The following PLEKHA6 variants were observed in gnomAD, a reference collection of about 807,000 sequenced individuals.
PLEKHA6 encodes the protein pleckstrin homology domain-containing family A member 6.
Under a neutral mutation model 116.7 loss-of-function variants are expected in PLEKHA6, and 60 were observed. The ratio of observed to expected loss-of-function variants is 0.51; its 90% CI spans 0.42 to 0.64. The LOEUF is 0.64. PLEKHA6 is among the 30% of genes least tolerant of loss of function. The pLI, the probability that PLEKHA6 is intolerant of heterozygous loss-of-function variation, is 0.00. For missense variants in PLEKHA6, 1,338 were observed against 1,422.7 expected (o/e 0.94, Z 0.96); for synonymous variants, 489 against 556.1 (o/e 0.88, Z 1.70).
At chr1:204,329,791 T>C (rs1672382851) in intron 1 of PLEKHA6, among the ~76,000 whole-genome samples, 1 of 152,134 alleles carries the variant, frequency 6.6e-6, no homozygotes, top group African/African-American at 2.4e-5. Flanking sequence ...CAGTGACTCA[T>C]TGTCTGTAAT....
intron 1 of PLEKHA6, chr1:204,326,937 C>T (rs2103251490): frequency 2.0e-6 from 2 of 980,260 alleles, no homozygotes; most frequent in South Asian, 4.7e-5. Context: ...ACCCTGGGGC[C>T]TCCGCACTTA....
chr1:204,320,183 A>G (rs772729424), intron 1 of PLEKHA6, among the ~76,000 whole-genome samples: 2 of 152,156 alleles, frequency 1.3e-5, no homozygotes, highest in Non-Finnish European at 2.9e-5. Context: ...GCTATGCTCC[A>G]CCACCCCTTC....
chr1:204,364,465 G>A (rs1035830367), upstream of PLEKHA6, among the ~76,000 whole-genome samples: 6 of 152,204 alleles, frequency 3.9e-5, no homozygotes, highest in South Asian at 2.1e-4. Context: ...TAATACATAC[G>A]AAGAACCAGT....
chr1:204,241,942 C>G (rs1388043118), intron 15 of PLEKHA6, 128 bp from the exon 16 acceptor site: 3 of 1,017,144 alleles, frequency 2.9e-6, no homozygotes, highest in African/African-American at 1.6e-5. Context: ...CAAGGAAATT[C>G]TATGTGTGCC....
chr1:204,344,105 G>A (rs1024606177), intron 1 of PLEKHA6, among the ~76,000 whole-genome samples: 3 of 152,056 alleles, frequency 2.0e-5, no homozygotes, highest in Non-Finnish European at 2.9e-5. Context: ...CCTGGGCAAC[G>A]CAGCAAGACC....
chr1:204,361,701 A>T (rs962703076), upstream of PLEKHA6, among the ~76,000 whole-genome samples: 1 of 152,234 alleles, frequency 6.6e-6, no homozygotes, highest in Admixed American at 6.5e-5. Context: ...GGCAGGACCG[A>T]TCAAGCCCAA....
At chr1:204,269,597 A>G (rs1399424586) in intron 3 of PLEKHA6, among the ~76,000 whole-genome samples, 3 of 151,458 alleles carry the variant, frequency 2.0e-5, no homozygotes, top group Non-Finnish European at 4.4e-5. Flanking sequence ...TCCTCCCGAC[A>G]ATGGACCTGC....
intron 1 of PLEKHA6, among the ~76,000 whole-genome samples, chr1:204,323,918 G>A (rs1048561287): frequency 6.6e-6 from 1 of 152,170 alleles, no homozygotes; most frequent in Non-Finnish European, 1.5e-5. Context: ...ACTTGGAAAG[G>A]ACCTGGGCAG....
intron 1 of PLEKHA6, among the ~76,000 whole-genome samples, chr1:204,337,960 G>A (rs1282653897): frequency 1.3e-5 from 2 of 152,224 alleles, no homozygotes; most frequent in African/African-American, 2.4e-5. Context: ...ATGCCCACTT[G>A]ATGCCAAGTG....
chr1:204,319,377 T>C lies in PLEKHA6; in HGVS notation c.-95+40317A>G, dbSNP rs1393548715. Among the ~76,000 whole-genome samples the C allele has an allele frequency of 2.0e-5, 3 of 152,232 alleles. No homozygotes were observed. The East Asian group carries it at 5.8e-4, about 29-fold the overall frequency. ...TGGGTACAACCCATGACTTTTCATA[T>C]CTTTTCATTCTGTGATAAGCCCCAA... On this transcript the variant is annotated intron_variant, in intron 1 of 22. Transcript: ENST00000272203.
rs571750873 is a variant in PLEKHA6 at position 204,301,312 on chromosome 1, C to T, written c.-94-26503G>A. 5.2e-6 allele frequency: 5 copies of T among 956,650 alleles called. No individual in the cohort carries two copies. The South Asian group carries it at 1.9e-4, about 37-fold the overall frequency. The allele number at this position is 956,650 out of a possible 1,614,324, so 59.3% of individuals were successfully genotyped here. ...CACCAGTCTGGAGAGTCTCTGGGTT[C>T]CTGCAGCCTGGAGCTGGCTCCTGGG... On this transcript the variant is annotated intron_variant, in intron 1 of 22. Coordinates refer to ENST00000272203, the MANE Select transcript of PLEKHA6 (RefSeq NM_014935.5).
intron 1 of PLEKHA6, among the ~76,000 whole-genome samples, chr1:204,290,635 C>T (rs4132008): frequency 0.56 from 84,928 of 152,080 alleles, 26,102 homozygotes; most frequent in East Asian, 0.83. Flanking sequence ...TGACAAAAAA[C>T]GCACCATCAA....
chr1:204,298,986 G>A (rs1020394102), intron 1 of PLEKHA6, among the ~76,000 whole-genome samples: 1 of 152,218 alleles, frequency 6.6e-6, no homozygotes, highest in Non-Finnish European at 1.5e-5. Context: ...ACAGAGAGGG[G>A]CAAAGACCAT....
chr1:204,362,990 C>T (rs1011956680), upstream of PLEKHA6, among the ~76,000 whole-genome samples: 1 of 152,248 alleles, frequency 6.6e-6, no homozygotes, highest in Non-Finnish European at 1.5e-5. Flanking sequence ...CTTTTCTCCT[C>T]GGCCGCCTCC....
chr1:204,301,960 T>A (rs1014839729), intron 1 of PLEKHA6, among the ~76,000 whole-genome samples: 4 of 152,198 alleles, frequency 2.6e-5, no homozygotes, highest in African/African-American at 9.7e-5. Context: ...CCTGCTATCT[T>A]GAGAAGACCT....
chr1:204,349,013 C>T (rs1287270264), intron 1 of PLEKHA6, among the ~76,000 whole-genome samples: 1 of 152,194 alleles, frequency 6.6e-6, no homozygotes, highest in Non-Finnish European at 1.5e-5. Context: ...TAGCCCCACC[C>T]ATCCTTCCCG....
At chr1:204,326,994 G>A in intron 1 of PLEKHA6, 27 of 985,336 alleles carry the variant, frequency 2.7e-5, no homozygotes, top group Non-Finnish European at 3.3e-5. Context: ...GGCAGCCTCT[G>A]TAGTAGGGAT....
upstream of PLEKHA6, among the ~76,000 whole-genome samples, chr1:204,361,056 C>T (rs1402254720): frequency 6.6e-6 from 1 of 152,172 alleles, no homozygotes; most frequent in Non-Finnish European, 1.5e-5. Flanking sequence ...GCTCGCTGGT[C>T]TCAGTCCCAT....
chr1:204,244,763 G>T, intron 15 of PLEKHA6, 101 bp downstream of exon 15: 2 of 869,152 alleles, frequency 2.3e-6, no homozygotes, highest in Non-Finnish European at 1.7e-6. Context: ...AGGGCTGGAG[G>T]CCTGTGGGGA....
Sources: allele counts gnomAD v4.1 joint callset (sites outside exome capture counted in the v4.1 genomes callset), GRCh38; gene constraint gnomAD v4.1.1; transcripts MANE v1.5; gene names NCBI Gene and HGNC (gene_info 2026-07-23, HGNC 2026-07-21).